KIF6: variants seen among roughly 807,000 people sequenced by gnomAD.
The protein encoded by KIF6 is kinesin-like protein KIF6.
In KIF6, 106 loss-of-function variants were observed where a neutral mutation model predicts 112.7. That is an observed-to-expected ratio of 0.94 (90% CI 0.80 to 1.11). KIF6 has a LOEUF of 1.11. KIF6 is among the 50% of genes least tolerant of loss of function. The probability of loss-of-function intolerance (pLI) is 0.00; values close to 1 mark genes in which losing one functional copy is unlikely to be tolerated. For synonymous variants in KIF6, 339 were observed against 339.9 expected (o/e 1.00, Z 0.03); for missense variants, 929 against 964.0 (o/e 0.96, Z 0.48).
chr6:39,644,025 G>A (rs903427569), intron 3 of KIF6, among the ~76,000 whole-genome samples: 13 of 152,034 alleles, frequency 8.6e-5, no homozygotes, highest in Admixed American at 1.3e-4. Flanking sequence ...CAACAGATTC[G>A]AATAGACATT....
rs147540076 is a variant in KIF6, at chr6:39,425,048, C to T, written c.1755-5045G>A. On this transcript the variant is annotated intron_variant, in intron 14 of 22. Coordinates refer to ENST00000287152, the MANE Select transcript of KIF6 (RefSeq NM_145027.6). ...ATGACTGGGGAAGCAGCTGGCTCTGCCCCACACACCATTCACTAGGGATCA... is the reference window on the plus strand; with the variant it reads ...ATGACTGGGGAAGCAGCTGGCTCTGTCCCACACACCATTCACTAGGGATCA... Among the ~76,000 whole-genome samples, 108 of 152,240 alleles carry T rather than the reference C, an allele frequency of 7.1e-4. 1 individual carries two copies. The highest frequency in any genetic ancestry group is 7.0e-3 in the East Asian group (36 of 5,164).
In KIF6 at chr6:39,337,154, CTTTTCTTTCTTTCCTTCCTTCTTT is replaced by C. The variant is rs1441336196; in HGVS notation, c.2429-630_2429-607del. 6.0e-3 allele frequency among the ~76,000 whole-genome samples: 440 copies of C among 73,898 alleles called. 28 individuals are homozygous for C. Among genetic ancestry groups the C allele is most frequent in the African/African-American group, 0.016 (371 of 23,876 alleles). The allele number at this position is 73,898 out of a possible 152,430, so 48.5% of individuals were successfully genotyped here. ...CTCCTTCCTTCCTTCCTTTCTCTTT[CTTTTCTTTCTTTCCTTCCTTCTTT>C]CTTTCTTTCTTTCTTTCTTTCTTTC... On this transcript the variant is annotated intron_variant, in intron 22 of 22. Coordinates refer to ENST00000287152, the MANE Select transcript of KIF6 (RefSeq NM_145027.6).
chr6:39,428,793 G>C (rs923823386), intron 14 of KIF6, among the ~76,000 whole-genome samples: 1 of 152,186 alleles, frequency 6.6e-6, no homozygotes, highest in African/African-American at 2.4e-5. Flanking sequence ...TAAGGTCTAT[G>C]TTAATTGGTA....
rs9471122 is a variant in KIF6 at position 39,533,994 on chromosome 6, T to A, written c.1645+6009A>T. ...TAGCAAACTCCAACAGACCTGCAGC[T>A]GAGGGTCCTGTCTGTTAGAAGGAAA... On this transcript the variant is annotated intron_variant, in intron 13 of 22. Transcript: ENST00000287152. 8.8e-4 allele frequency among the ~76,000 whole-genome samples: 134 copies of A among 152,312 alleles called. 1 individual carries two copies. Among genetic ancestry groups the A allele is most frequent in the African/African-American group, 3.0e-3 (124 of 41,564 alleles).
intron 13 of KIF6, among the ~76,000 whole-genome samples, chr6:39,449,066 C>T (rs1388169788): frequency 6.6e-6 from 1 of 152,208 alleles, no homozygotes; most frequent in East Asian, 1.9e-4. Flanking sequence ...TGCCTTACAC[C>T]TCTCTGCTTC....
At position 39,378,530 on chromosome 6, in the gene KIF6, C is replaced by T. The variant is rs1317439714; in HGVS notation, c.1861+7092G>A. Among the ~76,000 whole-genome samples the T allele has an allele frequency of 6.6e-6, 1 of 152,034 alleles. No individual in the cohort carries two copies. The highest frequency in any genetic ancestry group is 1.5e-5 in the Non-Finnish European group (1 of 68,000). Reference sequence around the variant, plus strand: ...CACGCATACACACACCCCAACTAACCCAAACTATTTCCCACTCTTCTCTGT... The same window carrying T: ...CACGCATACACACACCCCAACTAACTCAAACTATTTCCCACTCTTCTCTGT... On this transcript the variant is annotated intron_variant, in intron 16 of 22. Transcript: ENST00000287152. The surrounding 1 kb of genome is among the most constrained non-coding windows in gnomAD (Gnocchi z 5.0).
At chr6:39,641,158 TATG>T (rs1187622768) in intron 3 of KIF6, among the ~76,000 whole-genome samples, 29 of 152,300 alleles carry the variant, frequency 1.9e-4, no homozygotes, top group African/African-American at 6.7e-4. Flanking sequence ...CATTTGGATA[TATG>T]ATATTTCTTG....
chr6:39,346,157 CTCTCTT>C (rs1763787246), intron 20 of KIF6, among the ~76,000 whole-genome samples: 2 of 139,974 alleles, frequency 1.4e-5, no homozygotes, highest in South Asian at 2.5e-4. Flanking sequence ...CTCTCTCTCT[CTCTCTT>C]TCTCTCCTAT....
chr6:39,692,146 T>C (rs1788249810), intron 3 of KIF6, among the ~76,000 whole-genome samples: 1 of 152,170 alleles, frequency 6.6e-6, no homozygotes, highest in Non-Finnish European at 1.5e-5. Flanking sequence ...AGACTCCGTT[T>C]CAAAACAAAA....
chr6:39,470,943 C>A (rs914972752), intron 13 of KIF6, among the ~76,000 whole-genome samples: 2 of 152,284 alleles, frequency 1.3e-5, no homozygotes, highest in African/African-American at 2.4e-5. Context: ...TTCCCCCTGA[C>A]CTTTTCATTC....
chr6:39,372,054 C>T (rs1766044860), intron 16 of KIF6, among the ~76,000 whole-genome samples: 1 of 152,206 alleles, frequency 6.6e-6, no homozygotes, highest in Admixed American at 6.5e-5. Flanking sequence ...CTATTTCCCT[C>T]TCCTCCTCAC....
intron 10 of KIF6, among the ~76,000 whole-genome samples, chr6:39,562,071 A>T (rs1780036580): frequency 6.6e-6 from 1 of 152,234 alleles, no homozygotes; most frequent in Non-Finnish European, 1.5e-5. Context: ...AAGAAAAATT[A>T]GGCTCTGTCC....
intron 20 of KIF6, among the ~76,000 whole-genome samples, chr6:39,346,079 T>C (rs868319105): frequency 8.0e-3 from 170 of 21,256 alleles, no homozygotes; most frequent in Middle Eastern, 0.031. Flanking sequence ...TCTCTCTCTC[T>C]CTCTCTCCCC....
At chr6:39,653,375 T>G (rs1785584762) in intron 3 of KIF6, among the ~76,000 whole-genome samples, 1 of 152,130 alleles carries the variant, frequency 6.6e-6, no homozygotes, top group South Asian at 2.1e-4. Flanking sequence ...CATCAACATG[T>G]TTACAATAGG....
chr6:39,667,162 G>A (rs761667527), intron 3 of KIF6, among the ~76,000 whole-genome samples: 1 of 152,078 alleles, frequency 6.6e-6, no homozygotes, highest in East Asian at 1.9e-4. Flanking sequence ...AAATGAGAGA[G>A]GATTTATTAG....
chr6:39,710,062 C>A (rs1432831784), intron 3 of KIF6, among the ~76,000 whole-genome samples: 1 of 152,080 alleles, frequency 6.6e-6, no homozygotes, highest in Non-Finnish European at 1.5e-5. Flanking sequence ...TGATTCCCTC[C>A]CCAGGCTCTT....
chr6:39,519,140 C>T (rs1039490576), intron 13 of KIF6, among the ~76,000 whole-genome samples: 44 of 152,054 alleles, frequency 2.9e-4, no homozygotes, highest in Non-Finnish European at 3.8e-4. Flanking sequence ...TGGGGGGTAC[C>T]GAGACAGAAA....
At chr6:39,497,729 C>A (rs951105498) in intron 13 of KIF6, among the ~76,000 whole-genome samples, 1 of 152,174 alleles carries the variant, frequency 6.6e-6, no homozygotes, top group Non-Finnish European at 1.5e-5. Flanking sequence ...ATCCCTCCCC[C>A]CATCACGAAG....
chr6:39,422,750 C>T (rs1449216545), intron 14 of KIF6, among the ~76,000 whole-genome samples: 1 of 152,204 alleles, frequency 6.6e-6, no homozygotes, highest in Non-Finnish European at 1.5e-5. Context: ...CTCCAGCCAG[C>T]CCCAGTCTCC....
Sources: allele counts gnomAD v4.1 joint callset (sites outside exome capture counted in the v4.1 genomes callset), GRCh38; gene constraint gnomAD v4.1.1; non-coding constraint Gnocchi (gnomAD v3.1); transcripts MANE v1.5; gene names NCBI Gene and HGNC (gene_info 2026-07-23, HGNC 2026-07-21).